ZFHX3: variants seen among roughly 807,000 people sequenced by gnomAD.
ZFHX3 encodes the protein zinc finger homeobox protein 3.
A neutral mutation model predicts 279.1 loss-of-function variants in ZFHX3; 42 were observed. The observed-to-expected ratio is 0.15, with a 90% CI of 0.12 to 0.19. The LOEUF (loss-of-function observed/expected upper bound fraction) is 0.19, where lower values mean the gene tolerates loss of function less well. Ranked by LOEUF, ZFHX3 falls within the 10% of genes least tolerant of loss-of-function variation. ZFHX3 has a pLI of 1.00. For synonymous variants in ZFHX3, 2,293 were observed against 1,957.8 expected, an observed-to-expected ratio of 1.17 and a Z score of -4.52; for missense variants, 4,981 against 4,754.0, an observed-to-expected ratio of 1.05 and a Z score of -1.40.
At chr16:73,053,373 A>G (rs1312919643) in intron 1 of ZFHX3, among the ~76,000 whole-genome samples, 1 of 152,164 alleles carries the variant, frequency 6.6e-6, no homozygotes, top group African/African-American at 2.4e-5. Flanking sequence ...TGCGGGGGCA[A>G]GGCCTTGAAA....
At chr16:73,621,639 C>T (rs1315358446) in intron 2 of ZFHX3, among the ~76,000 whole-genome samples, 1 of 152,118 alleles carries the variant, frequency 6.6e-6, no homozygotes, top group Non-Finnish European at 1.5e-5. Context: ...GCACACATCT[C>T]AGAAAAACAG....
chr16:73,546,333 G>A (rs990081981), intron 2 of ZFHX3, among the ~76,000 whole-genome samples: 12 of 152,134 alleles, frequency 7.9e-5, no homozygotes, highest in Non-Finnish European at 1.5e-4. Context: ...TTTCTGGGAA[G>A]CTGCGTTGGA....
At chr16:73,047,494 AAGC>A (rs2144718632) in intron 1 of ZFHX3, among the ~76,000 whole-genome samples, 1 of 152,300 alleles carries the variant, frequency 6.6e-6, no homozygotes, top group South Asian at 2.1e-4. Context: ...ACTAATCCAA[AAGC>A]AGACTCAGGA....
intron 3 of ZFHX3, among the ~76,000 whole-genome samples, chr16:73,411,231 A>G (rs993037685): frequency 6.6e-6 from 1 of 152,360 alleles, no homozygotes. Flanking sequence ...GTCCTTGGCC[A>G]AAAATGTCCT....
At chr16:73,553,855 G>C (rs2020237600) in intron 2 of ZFHX3, among the ~76,000 whole-genome samples, 1 of 152,116 alleles carries the variant, frequency 6.6e-6, no homozygotes, top group African/African-American at 2.4e-5. Flanking sequence ...AGGAAGAAAT[G>C]GATTTTCTCT....
chr16:73,497,325 G>A (rs146406734), intron 2 of ZFHX3, among the ~76,000 whole-genome samples: 13 of 152,282 alleles, frequency 8.5e-5, no homozygotes, highest in East Asian at 7.7e-4. Flanking sequence ...TTACACAATA[G>A]CTTGATTTTC....
chr16:73,464,969 G>A (rs2018538559), intron 2 of ZFHX3, among the ~76,000 whole-genome samples: 1 of 152,232 alleles, frequency 6.6e-6, no homozygotes, highest in South Asian at 2.1e-4. Flanking sequence ...GGGCGGGAGG[G>A]GAGAGCCTCG....
At chr16:73,761,433 C>T (rs2053865421) in intron 1 of ZFHX3, among the ~76,000 whole-genome samples, 1 of 152,074 alleles carries the variant, frequency 6.6e-6, no homozygotes, top group Non-Finnish European at 1.5e-5. Context: ...ACATTCAATG[C>T]TATTCCCATT....
chr16:73,151,553 T>C (rs1441040915), intron 5 of ZFHX3, among the ~76,000 whole-genome samples: 1 of 134,172 alleles, frequency 7.5e-6, no homozygotes, highest in Non-Finnish European at 1.6e-5. Flanking sequence ...TCGTGATTGA[T>C]TGGTGATACC....
intron 1 of ZFHX3, among the ~76,000 whole-genome samples, chr16:72,992,347 C>T (rs1963123141): frequency 6.6e-6 from 1 of 152,178 alleles, no homozygotes; most frequent in Non-Finnish European, 1.5e-5. Context: ...TCCCTGCCTT[C>T]CCCCATTAAT....
At chr16:73,730,352 C>CAAAAAAAAAAAAAAAAAAAAAAAAAAAA (rs66477968) in intron 1 of ZFHX3, among the ~76,000 whole-genome samples, 1 of 81,166 alleles carries the variant, frequency 1.2e-5, no homozygotes, top group African/African-American at 5.1e-5. Flanking sequence ...CCTCCCCTCG[C>CAAAAAAAAAAAAAAAAAAAAAAAAAAAA]AAAAAAAAAA....
At chr16:72,830,084 C>T (rs553207580) in intron 4 of ZFHX3, among the ~76,000 whole-genome samples, 3 of 152,146 alleles carry the variant, frequency 2.0e-5, no homozygotes, top group Non-Finnish European at 4.4e-5. Context: ...GGTTGTGACT[C>T]GCTCCAGATG....
chr16:73,642,731 C>G (rs1597043047), intron 2 of ZFHX3, among the ~76,000 whole-genome samples: 2 of 152,148 alleles, frequency 1.3e-5, no homozygotes, highest in Admixed American at 6.5e-5. Context: ...AACAGTACAG[C>G]CTGAACAGAC....
intron 4 of ZFHX3, among the ~76,000 whole-genome samples, chr16:73,313,652 AATCCTC>A (rs1306544646): frequency 6.6e-6 from 1 of 152,204 alleles, no homozygotes; most frequent in Non-Finnish European, 1.5e-5. Flanking sequence ...TAGAACTAGG[AATCCTC>A]ATCATCACTG....
intron 3 of ZFHX3, among the ~76,000 whole-genome samples, chr16:72,900,146 A>C (rs1284210543): frequency 6.6e-6 from 1 of 151,840 alleles, no homozygotes; most frequent in Admixed American, 6.6e-5. Context: ...CAAAAAAAAA[A>C]AAAAAAAAAC....
chr16:73,476,486 T>C (rs994065699), intron 2 of ZFHX3, among the ~76,000 whole-genome samples: 17 of 152,194 alleles, frequency 1.1e-4, no homozygotes, highest in African/African-American at 4.1e-4. Flanking sequence ...TAAAGTATTT[T>C]TTAATATTCA....
chr16:73,034,322 CG>C (rs1884485246), intron 1 of ZFHX3, among the ~76,000 whole-genome samples: 1 of 152,050 alleles, frequency 6.6e-6, no homozygotes, highest in Non-Finnish European at 1.5e-5. Context: ...GAGAAGAAGG[CG>C]AGGGGAAGTT....
At chr16:73,471,991 G>A (rs753097598) in intron 2 of ZFHX3, among the ~76,000 whole-genome samples, 16 of 152,102 alleles carry the variant, frequency 1.1e-4, no homozygotes, top group Non-Finnish European at 1.6e-4. Context: ...AGTGCCCTGA[G>A]CACCTCAGAA....
chr16:73,324,614 G>C (rs1323170312), intron 3 of ZFHX3, among the ~76,000 whole-genome samples: 1 of 152,224 alleles, frequency 6.6e-6, no homozygotes, highest in Non-Finnish European at 1.5e-5. Context: ...CTGGGGATTT[G>C]AGAATGGGTG....
Sources: gnomAD v4.1 joint callset for allele counts (sites outside exome capture counted in the v4.1 genomes callset) on GRCh38, gnomAD v4.1.1 for gene constraint, MANE v1.5 for transcripts, NCBI Gene and HGNC (gene_info 2026-07-23, HGNC 2026-07-21) for gene names.